PUDP: variants seen among roughly 807,000 people sequenced by gnomAD.
The protein encoded by PUDP is pseudouridine-5'-phosphatase.
In PUDP, 8 loss-of-function variants were observed where a neutral mutation model predicts 9.4. That is an observed-to-expected ratio of 0.85 (90% CI 0.50 to 1.53). The LOEUF (loss-of-function observed/expected upper bound fraction) is 1.53. PUDP is among the 40% of genes most tolerant of loss of function. The pLI is 0.00. For missense variants in PUDP, 188 were observed against 189.7 expected, an observed-to-expected ratio of 0.99 and a Z score of 0.05; for synonymous variants, 99 against 80.7, an observed-to-expected ratio of 1.23 and a Z score of -1.22.
rs200651723 is a variant in PUDP at position 6,860,474 on chromosome X, TG to T, written c.*247+116658del. The stretch of plus-strand genomic sequence containing the variant: ...TTTCTGTGTGTGGTTTTTTGTTTTT[TG>T]TTTTTTGTTTTTTGAGACAGAGTCT... On this transcript the variant is annotated intron_variant and NMD_transcript_variant, in intron 3 of 3. Transcript: ENST00000655425. 3.8e-3 allele frequency among the ~76,000 whole-genome samples: 401 copies of T among 105,058 alleles called. 4 individuals carry two copies. The highest frequency in any genetic ancestry group is 6.3e-3 in the Non-Finnish European group (321 of 51,228). The allele number at this position is 105,058 out of a possible 115,157, so 91.2% of individuals were successfully genotyped here. A position where few individuals can be genotyped will look rare whatever the true frequency, so the allele number is the denominator to read the frequency against.
intron 3 of PUDP, among the ~76,000 whole-genome samples, chrX:6,812,876 T>G (rs1255117675): frequency 8.9e-6 from 1 of 112,023 alleles, no homozygotes; most frequent in Non-Finnish European, 1.9e-5. Context: ...TGAGGATCAC[T>G]TGAGCTCAGG....
At chrX:6,858,322 C>CTTTTTTTTTTTT (rs370817442) in intron 3 of PUDP, among the ~76,000 whole-genome samples, 2 of 89,468 alleles carry the variant, frequency 2.2e-5, no homozygotes, top group African/African-American at 4.1e-5. Flanking sequence ...TTTTTTCTTT[C>CTTTTTTTTTTTT]TTTTTTTTTT....
intron 1 of PUDP, among the ~76,000 whole-genome samples, chrX:7,131,065 A>T (rs1456724024): frequency 9.0e-6 from 1 of 111,558 alleles, no homozygotes; most frequent in African/African-American, 3.3e-5. Flanking sequence ...TCAACCTAAG[A>T]GGTGCCCAGT....
intron 2 of PUDP, among the ~76,000 whole-genome samples, chrX:6,706,018 C>A (rs1293893890): frequency 1.8e-5 from 2 of 112,144 alleles, no homozygotes; most frequent in African/African-American, 3.2e-5. Context: ...CATGGATGAA[C>A]CTAGAGGACA....
At chrX:7,061,360 A>G (rs1449811531) in intron 3 of PUDP, among the ~76,000 whole-genome samples, 1 of 111,732 alleles carries the variant, frequency 8.9e-6, no homozygotes, top group Non-Finnish European at 1.9e-5. Context: ...ATTAAAAAAA[A>G]GTAAGGTTTC....
intron 3 of PUDP, among the ~76,000 whole-genome samples, chrX:6,933,050 C>T (rs1404741662): frequency 9.0e-6 from 1 of 110,503 alleles, no homozygotes; most frequent in Non-Finnish European, 1.9e-5. Context: ...AGGGCACAGA[C>T]AAACAAAAAG....
chrX:6,933,817 G>C (rs1009450863), intron 3 of PUDP, among the ~76,000 whole-genome samples: 3 of 111,593 alleles, frequency 2.7e-5, no homozygotes, highest in Non-Finnish European at 5.6e-5. Flanking sequence ...ACCAAGGCTC[G>C]AGAACTAGGT....
At chrX:6,715,546 T>C (rs1924590318) in intron 1 of PUDP, among the ~76,000 whole-genome samples, 1 of 112,456 alleles carries the variant, frequency 8.9e-6, no homozygotes, top group Admixed American at 9.4e-5. Flanking sequence ...CAATAAATGA[T>C]GCCTTAATCA....
chrX:7,125,021 T>TAAA (rs386416559), intron 1 of PUDP, among the ~76,000 whole-genome samples: 80 of 103,862 alleles, frequency 7.7e-4, no homozygotes, highest in Non-Finnish European at 9.4e-4. Flanking sequence ...TCAAACATAT[T>TAAA]AAAAAAAAAC....
intron 3 of PUDP, among the ~76,000 whole-genome samples, chrX:6,753,574 G>C (rs754426644): frequency 8.9e-6 from 1 of 111,970 alleles, no homozygotes; most frequent in East Asian, 2.8e-4. Flanking sequence ...GATTGTACTA[G>C]TTTACATTCC....
chrX:6,954,456 C>T (rs763968326), intron 3 of PUDP, among the ~76,000 whole-genome samples: 2 of 110,850 alleles, frequency 1.8e-5, no homozygotes, highest in Non-Finnish European at 3.8e-5. Flanking sequence ...TGGCTCCTCT[C>T]GGCTTTTACC....
chrX:6,808,762 C>A (rs191231744), intron 3 of PUDP, among the ~76,000 whole-genome samples: 18 of 112,038 alleles, frequency 1.6e-4, no homozygotes, highest in African/African-American at 4.2e-4. Context: ...CCTGACCCAC[C>A]CTTGGGATAA....
intron 3 of PUDP, among the ~76,000 whole-genome samples, chrX:6,966,357 T>G (rs1372353697): frequency 9.0e-6 from 1 of 110,968 alleles, no homozygotes; most frequent in Admixed American, 9.7e-5. Flanking sequence ...GTTCTATGCC[T>G]GTTATATAGA....
chrX:7,125,921 A>G (rs1285107033), intron 1 of PUDP, among the ~76,000 whole-genome samples: 1 of 110,866 alleles, frequency 9.0e-6, no homozygotes, highest in East Asian at 2.8e-4. Context: ...GGGAGCTACA[A>G]TTCAAGATGA....
chrX:6,756,868 G>A (rs1050875686), intron 3 of PUDP, among the ~76,000 whole-genome samples: 1 of 112,246 alleles, frequency 8.9e-6, no homozygotes, highest in Non-Finnish European at 1.9e-5. Context: ...AACAGCAGAC[G>A]GATATTTCTC....
chrX:6,997,289 T>C (rs1248281571), intron 1 of PUDP, among the ~76,000 whole-genome samples: 2 of 112,536 alleles, frequency 1.8e-5, no homozygotes, highest in Non-Finnish European at 3.7e-5. Flanking sequence ...CTGCAAATTC[T>C]AGGTGTTCCA....
At chrX:6,947,108 C>T (rs1388316723) in intron 3 of PUDP, among the ~76,000 whole-genome samples, 3 of 108,455 alleles carry the variant, frequency 2.8e-5, no homozygotes, top group Non-Finnish European at 3.8e-5. Context: ...TCGAGTGATT[C>T]GCCTGCCTCA....
chrX:6,893,081 C>A (rs1927539533), intron 3 of PUDP, among the ~76,000 whole-genome samples: 1 of 112,340 alleles, frequency 8.9e-6, no homozygotes, highest in Admixed American at 9.4e-5. Context: ...TAGCAGATTT[C>A]TAGCTTCTTA....
intron 3 of PUDP, among the ~76,000 whole-genome samples, chrX:6,971,635 C>T (rs765628781): frequency 5.6e-5 from 6 of 107,887 alleles, no homozygotes; most frequent in South Asian, 4.2e-4. Context: ...CTTGTTAGCC[C>T]GGATAGTCTT....
Sources: allele counts gnomAD v4.1 joint callset (sites outside exome capture counted in the v4.1 genomes callset), GRCh38; gene constraint gnomAD v4.1.1; transcripts MANE v1.5; gene names NCBI Gene and HGNC (gene_info 2026-07-23, HGNC 2026-07-21).